Variants in DNAH11 observed in about 807,000 individuals in gnomAD.
The protein encoded by DNAH11 is axonemal beta dynein heavy chain 11.
Under a neutral mutation model 526.0 loss-of-function variants are expected in DNAH11, and 442 were observed. That is an observed-to-expected ratio of 0.84 (90% CI 0.78 to 0.91). The LOEUF is 0.91. Ranked by LOEUF, DNAH11 falls within the 40% of genes least tolerant of loss-of-function variation. The pLI, the probability that DNAH11 is intolerant of heterozygous loss-of-function variation, is 0.00. For synonymous variants in DNAH11, 2,461 were observed against 1,935.9 expected, an observed-to-expected ratio of 1.27 and a Z score of -7.12; for missense variants, 6,989 against 5,448.7, an observed-to-expected ratio of 1.28 and a Z score of -8.90.
intron 65 of DNAH11, among the ~76,000 whole-genome samples, chr7:21,833,787 C>CAAATGAGT (rs1362389081): frequency 5.9e-5 from 9 of 152,236 alleles, no homozygotes; most frequent in Admixed American, 1.3e-4. Flanking sequence ...TGTAGAGATG[C>CAAATGAGT]AAATGAGTAT....
Position 21,717,850 on chromosome 7 carries a change from T to C in DNAH11, c.7059T>C (p.Tyr2353=), listed in dbSNP as rs762041168. ...ATTTGACTATTCTTTTTGATAAATA[T>C]GTCCCTGCATGCTTGGATAAACTGA... The part of the protein sequence containing the change: ...KANLTILFDK[Y]VPACLDKLRT... Residue 2353 remains tyrosine (Y), a synonymous_variant, in exon 43 of 82, where the codon TAT becomes TAC. Transcript: ENST00000409508. 32 of 1,613,818 alleles carry C rather than the reference T, an allele frequency of 2.0e-5. No individual in the cohort carries two copies. Among genetic ancestry groups the C allele is most frequent in the South Asian group, 1.8e-4 (16 of 91,088 alleles).
Position 21,807,927 on chromosome 7 carries a change from G to A in DNAH11, c.10210G>A (p.Glu3404Lys). ...ATCCATTAAGTCCTTTGAAGCTCAA[G>A]AGAAGACACTCTGTGGAGATGTTCT... Reference protein sequence around the residue: ...GQSIKSFEAQEKTLCGDVLLT... With the variant: ...GQSIKSFEAQKKTLCGDVLLT... The change falls in exon 63 of 82, where the codon GAG (glutamate) becomes AAG (lysine). Residue 3404 changes from glutamate (E) to lysine (K), a missense_variant. Physicochemically the swap from Glu to Lys is moderately conservative, Grantham distance 56 (BLOSUM62 1). Transcript: ENST00000409508. The A allele has an allele frequency of 1.2e-6, 2 of 1,609,372 alleles. No individual in the cohort carries two copies. Among genetic ancestry groups the A allele is most frequent in the Non-Finnish European group, 1.7e-6 (2 of 1,176,614 alleles).
chr7:21,816,066 G>T (rs1323687118), intron 63 of DNAH11, among the ~76,000 whole-genome samples: 1 of 152,092 alleles, frequency 6.6e-6, no homozygotes, highest in Non-Finnish European at 1.5e-5. Flanking sequence ...AAAATGAAGT[G>T]CCTGAGCAAG....
At chr7:21,778,869 G>C in intron 56 of DNAH11, 89 bp from the exon 57 acceptor site, 1 of 1,466,610 alleles carries the variant, frequency 6.8e-7, no homozygotes, top group Non-Finnish European at 9.2e-7. Flanking sequence ...AATTGTTAGA[G>C]ATCCCTGAAT....
rs1784806946 is a variant in DNAH11, at chr7:21,901,181, C to T, written c.13478C>T (p.Thr4493Ile). 2 of 1,613,136 alleles carry T rather than the reference C, an allele frequency of 1.2e-6. No individual in the cohort carries two copies. Among genetic ancestry groups the T allele is most frequent in the Non-Finnish European group, 1.7e-6 (2 of 1,179,492 alleles). The change falls in exon 82 of 82, where the codon ACC becomes ATC. Residue 4493 changes from threonine (T) to isoleucine (I), a missense_variant. By Grantham distance (89) the Thr-to-Ile change is moderately conservative (BLOSUM62 -1). Coordinates refer to ENST00000409508, the MANE Select transcript of DNAH11 (RefSeq NM_001277115.2). ...CTGAGAGGCCCCAGCTACATCTGGACCTTCAGGCTGAAGAGCGAAGAGAAG... is the reference window on the plus strand; with the variant it reads ...CTGAGAGGCCCCAGCTACATCTGGATCTTCAGGCTGAAGAGCGAAGAGAAG... ...TKLRGPSYIW[T>I]FRLKSEEKTA...
chr7:21,797,515 A>C (rs1404875855), intron 61 of DNAH11, among the ~76,000 whole-genome samples: 1 of 148,710 alleles, frequency 6.7e-6, no homozygotes, highest in Non-Finnish European at 1.5e-5. Context: ...CACCACACCC[A>C]GCCCTTGAAC....
intron 30 of DNAH11, among the ~76,000 whole-genome samples, chr7:21,667,918 C>T (rs1782483159): frequency 6.6e-6 from 1 of 152,062 alleles, no homozygotes; most frequent in Admixed American, 6.6e-5. Flanking sequence ...AAATTGTAAT[C>T]ATGGTAGTCA....
At chr7:21,690,619 A>C in intron 34 of DNAH11, 146 bp from the exon 35 acceptor site, 1 of 571,732 alleles carries the variant, frequency 1.7e-6, no homozygotes, top group Non-Finnish European at 3.0e-6. Flanking sequence ...CATATTCAAA[A>C]TATGTATGGG....
At chr7:21,605,941 C>T (rs1785262920) in intron 18 of DNAH11, among the ~76,000 whole-genome samples, 1 of 152,176 alleles carries the variant, frequency 6.6e-6, no homozygotes, top group Non-Finnish European at 1.5e-5. Context: ...GTACTTCAGC[C>T]TTGGTTCTAA....
intron 32 of DNAH11, among the ~76,000 whole-genome samples, chr7:21,685,712 G>A (rs1054084301): frequency 6.6e-6 from 1 of 152,140 alleles, no homozygotes; most frequent in Non-Finnish European, 1.5e-5. Context: ...AAAGACAATG[G>A]CTGAAATAAC....
chr7:21,598,615 AAATAAATAAATT>A (rs1220881391), intron 14 of DNAH11, among the ~76,000 whole-genome samples: 2 of 137,104 alleles, frequency 1.5e-5, no homozygotes, highest in Non-Finnish European at 3.2e-5. Flanking sequence ...ATAAATAAAT[AAATAAATAAATT>A]GTGCTTAAAC....
intron 54 of DNAH11, among the ~76,000 whole-genome samples, chr7:21,758,238 T>C (rs976827667): frequency 3.3e-5 from 5 of 152,202 alleles, no homozygotes; most frequent in Non-Finnish European, 7.3e-5. Flanking sequence ...TTTCTGTTAT[T>C]ATTTGACATA....
In DNAH11 at chr7:21,875,877, C is replaced by CTTTTT. The variant is rs35349937; in HGVS notation, c.12195+2396_12195+2400dup. Reference sequence around the variant, plus strand: ...TTAGGAACTTCAAGGAAGAATATTTCTTTTTTTTTTTTTTTTTTTTTTTTG... The same window carrying CTTTTT: ...TTAGGAACTTCAAGGAAGAATATTTCTTTTTTTTTTTTTTTTTTTTTTTTTTTTTG... On this transcript the variant is annotated intron_variant, in intron 74 of 81. Transcript: ENST00000409508. Among the ~76,000 whole-genome samples, 50 of 78,914 alleles carry CTTTTT rather than the reference C, an allele frequency of 6.3e-4. 1 individual carries two copies. Among genetic ancestry groups the CTTTTT allele is most frequent in the African/African-American group, 1.4e-3 (26 of 18,956 alleles). 51.8% of individuals were successfully genotyped at this position (78,914 alleles called of 152,430 possible). A position where few individuals can be genotyped will look rare whatever the true frequency, so the allele number is the denominator to read the frequency against.
chr7:21,679,885 T>A (rs1411856124), intron 30 of DNAH11, among the ~76,000 whole-genome samples: 1 of 152,210 alleles, frequency 6.6e-6, no homozygotes, highest in East Asian at 1.9e-4. Flanking sequence ...TTATTATTAT[T>A]ATACTTTAAG....
intron 54 of DNAH11, among the ~76,000 whole-genome samples, chr7:21,760,246 A>C (rs1307800199): frequency 6.6e-6 from 1 of 152,150 alleles, no homozygotes; most frequent in Non-Finnish European, 1.5e-5. Context: ...GCTTCCAAGA[A>C]AGGATGTCTC....
intron 76 of DNAH11, among the ~76,000 whole-genome samples, chr7:21,890,133 G>C (rs1784278859): frequency 6.6e-6 from 1 of 152,172 alleles, no homozygotes; most frequent in Non-Finnish European, 1.5e-5. Context: ...CCATTAGGTT[G>C]CTGTTATGAG....
chr7:21,666,329 A>C (rs368383105), intron 30 of DNAH11, among the ~76,000 whole-genome samples: 12 of 152,200 alleles, frequency 7.9e-5, no homozygotes, highest in East Asian at 1.9e-4. Context: ...CCTTGGTGAA[A>C]GTGTTTTGTT....
In DNAH11 at chr7:21,720,928, A is replaced by T; in HGVS notation, c.7266+72A>T. On this transcript the variant is annotated intron_variant, in intron 44 of 81. Transcript: ENST00000409508. The stretch of plus-strand genomic sequence containing the variant: ...GACAGGGTCATGGGGAGGTTAAAAC[A>T]TGTGATCTGTACCTTTTTGTTATGT... The T allele has an allele frequency of 3.2e-6, 5 of 1,552,428 alleles. No homozygotes were observed. In the Admixed American group the frequency reaches 7.5e-5, roughly 23 times the overall value.
At chr7:21,623,860 A>T in intron 25 of DNAH11, among the ~76,000 whole-genome samples, 1 of 151,904 alleles carries the variant, frequency 6.6e-6, no homozygotes, top group Non-Finnish European at 1.5e-5. Flanking sequence ...GATACACCTA[A>T]TGCTAAATGA....
Sources: gnomAD v4.1 joint callset for allele counts (sites outside exome capture counted in the v4.1 genomes callset) on GRCh38, gnomAD v4.1.1 for gene constraint, MANE v1.5 for transcripts, NCBI Gene and HGNC (gene_info 2026-07-23, HGNC 2026-07-21) for gene names.